The following ZNF559 variants were observed in gnomAD, a reference collection of about 807,000 sequenced individuals.
ZNF559 encodes putative protein product of Nbla00121.
In ZNF559, 17 loss-of-function variants were observed where a neutral mutation model predicts 14.2. That is an observed-to-expected ratio of 1.20 (90% confidence interval 0.82 to 1.80). ZNF559 has a LOEUF of 1.80. Ranked by LOEUF, ZNF559 falls within the 40% of genes most tolerant of loss-of-function variation. The pLI, the probability that ZNF559 is intolerant of heterozygous loss-of-function variation, is 0.00. For missense variants in ZNF559, 740 were observed against 629.7 expected, an observed-to-expected ratio of 1.18 and a Z score of -1.88; for synonymous variants, 244 against 212.4, an observed-to-expected ratio of 1.15 and a Z score of -1.29.
chr19:9,337,515 A>G (rs2067305669), intron 2 of ZNF559, among the ~76,000 whole-genome samples: 1 of 152,164 alleles, frequency 6.6e-6, no homozygotes, highest in South Asian at 2.1e-4. Flanking sequence ...GTCACGTTGG[A>G]GAATAAGAAG....
Position 9,341,708 on chromosome 19 carries a change from T to A in ZNF559, c.257T>A (p.Phe86Tyr), listed in dbSNP as rs375093438. 25 of 1,597,504 alleles carry A rather than the reference T, an allele frequency of 1.6e-5. No individual in the cohort carries two copies. Among genetic ancestry groups the A allele is most frequent in the Non-Finnish European group, 2.0e-5 (24 of 1,174,828 alleles). Residue 86 changes from phenylalanine (F) to tyrosine (Y), a missense_variant, in exon 7 of 7, where the codon TTT becomes TAT. Phe to Tyr is a conservative substitution (Grantham distance 22, BLOSUM62 3). Coordinates refer to ENST00000603380, the MANE Select transcript of ZNF559 (RefSeq NM_032497.3). The stretch of plus-strand genomic sequence containing the variant: ...TTTCACCAACAGGAGAGAAACCATT[T>A]TGGAGAGGAACTGTTTGACTTTAAC... ...SSVVEMERNH[F>Y]GEELFDFNQC...
At chr19:9,329,883 C>T (rs545429706) in intron 2 of ZNF559, among the ~76,000 whole-genome samples, 10 of 152,268 alleles carry the variant, frequency 6.6e-5, no homozygotes, top group African/African-American at 2.2e-4. Context: ...AGGCTGGTCT[C>T]GAACTCCTAA....
intron 2 of ZNF559, among the ~76,000 whole-genome samples, chr19:9,326,328 A>T (rs868555716): frequency 6.6e-6 from 1 of 152,026 alleles, no homozygotes; most frequent in African/African-American, 2.4e-5. Context: ...GCTGGTCTCG[A>T]ACTCCTGACC....
chr19:9,341,871 T>G lies in ZNF559; in HGVS notation c.420T>G (p.Thr140=), dbSNP rs754678629. The part of the protein sequence containing the change: ...KPSIFTLHKK[T]DIGEELPNCN... ...CTATCTTTACTTTACACAAGAAAACTGATATCGGAGAGGAACTTCCTAACT... is the reference window on the plus strand; with the variant it reads ...CTATCTTTACTTTACACAAGAAAACGGATATCGGAGAGGAACTTCCTAACT... The change falls in exon 7 of 7, where the codon ACT becomes ACG. Residue 140 remains threonine (T), a synonymous_variant. Coordinates refer to ENST00000603380, the MANE Select transcript of ZNF559 (RefSeq NM_032497.3). 2 of 1,610,446 alleles carry G rather than the reference T, an allele frequency of 1.2e-6. No homozygotes were observed. Among genetic ancestry groups the G allele is most frequent in the Non-Finnish European group, 1.7e-6 (2 of 1,179,088 alleles).
intron 2 of ZNF559, among the ~76,000 whole-genome samples, chr19:9,330,584 T>C (rs995509471): frequency 6.6e-6 from 1 of 152,348 alleles, no homozygotes; most frequent in East Asian, 1.9e-4. Flanking sequence ...TGTCTGCTCT[T>C]GGACCCCTCT....
chr19:9,339,720 C>T (rs925010346), intron 5 of ZNF559, among the ~76,000 whole-genome samples: 1 of 151,124 alleles, frequency 6.6e-6, no homozygotes, highest in African/African-American at 2.4e-5. Context: ...ACAGCAAAAT[C>T]TTAGCTCTTA....
chr19:9,329,075 G>A (rs2066796598), intron 2 of ZNF559, among the ~76,000 whole-genome samples: 2 of 98,072 alleles, frequency 2.0e-5, no homozygotes, highest in Non-Finnish European at 4.3e-5. Context: ...GTGTTTTTTT[G>A]TTTTTTGGGC....
chr19:9,341,676 C>T lies in ZNF559; in HGVS notation c.244-19C>T. On this transcript the variant is annotated intron_variant, in intron 6 of 6. Transcript: ENST00000603380. ...AATTTGGAAAACTTCTATGAACCAT[C>T]ATTAATTTTCACCAACAGGAGAGAA... The T allele has an allele frequency of 6.3e-7, 1 of 1,599,252 alleles. No individual in the cohort carries two copies. The highest frequency in any genetic ancestry group is 1.1e-5 in the South Asian group (1 of 89,364).
In ZNF559 at chr19:9,338,476, T is replaced by C. The variant is rs762135771; in HGVS notation, c.-56-18T>C. 26 of 1,602,730 alleles carry C rather than the reference T, an allele frequency of 1.6e-5. No homozygotes were observed. Among genetic ancestry groups the C allele is most frequent in the Non-Finnish European group, 2.2e-5 (26 of 1,170,992 alleles). On this transcript the variant is annotated intron_variant, in intron 3 of 6. Coordinates refer to ENST00000603380, the MANE Select transcript of ZNF559 (RefSeq NM_032497.3). ...TATCAGCAGCCTGGATTCTCAGATTTTATTTCTTCTTCTTAAGATCATCTT... is the reference window on the plus strand; with the variant it reads ...TATCAGCAGCCTGGATTCTCAGATTCTATTTCTTCTTCTTAAGATCATCTT...
intron 5 of ZNF559, among the ~76,000 whole-genome samples, chr19:9,339,789 G>A (rs1257631572): frequency 7.1e-6 from 1 of 140,334 alleles, no homozygotes; most frequent in African/African-American, 2.7e-5. Flanking sequence ...TTTTTTTTGA[G>A]ACAGAGTCTT....
chr19:9,328,104 C>A (rs1310157662), intron 2 of ZNF559, among the ~76,000 whole-genome samples: 4 of 152,050 alleles, frequency 2.6e-5, no homozygotes, highest in African/African-American at 9.6e-5. Context: ...TTTTGTTTTT[C>A]CTTATGTTTG....
intron 2 of ZNF559, 150 bp downstream of exon 2, chr19:9,324,930 G>A (rs2066494662): frequency 2.9e-6 from 2 of 684,148 alleles, no homozygotes; most frequent in East Asian, 5.5e-5. Flanking sequence ...GCACATAACT[G>A]TAAAATTTAC....
intron 2 of ZNF559, among the ~76,000 whole-genome samples, chr19:9,327,656 T>C (rs1273266559): frequency 6.6e-6 from 1 of 152,190 alleles, no homozygotes; most frequent in South Asian, 2.1e-4. Flanking sequence ...CTCCATTCTT[T>C]AGCTGACAGT....
chr19:9,324,580 G>A (rs959807227), intron 1 of ZNF559, 115 bp from the exon 2 acceptor site: 1 of 1,162,740 alleles, frequency 8.6e-7, no homozygotes, highest in African/African-American at 1.6e-5. Flanking sequence ...GATTACTTGA[G>A]GCCAGGAGTT....
At chr19:9,339,110 A>C (rs2067400069) in intron 4 of ZNF559, 83 bp from the exon 5 acceptor site, 2 of 1,584,762 alleles carry the variant, frequency 1.3e-6, no homozygotes, top group African/African-American at 2.7e-5. Context: ...TTGTCAAGGC[A>C]TGCCAAGACA....
rs1385702648 is a variant in ZNF559, at chr19:9,338,569, C to A, written c.20C>A (p.Thr7Lys). The A allele has an allele frequency of 6.2e-7, 1 of 1,613,562 alleles. No homozygotes were observed. Among genetic ancestry groups the A allele is most frequent in the South Asian group, 1.1e-5 (1 of 91,078 alleles). ...GAAAGGATGGTGGCTGGGTGGTTGA[C>A]AAATTACTCTCAGGTAAGTAGGAAA... is the stretch of plus-strand genomic sequence containing the variant. The part of the protein sequence containing the change: MVAGWL[T>K]NYSQDSVTFE... The change falls in exon 4 of 7, where the codon ACA becomes AAA. Residue 7 changes from threonine (T) to lysine (K), a missense_variant. By Grantham distance (78) the Thr-to-Lys change is moderately conservative. Coordinates refer to ENST00000603380, the MANE Select transcript of ZNF559 (RefSeq NM_032497.3).
chr19:9,342,024 A>G lies in ZNF559; in HGVS notation c.573A>G (p.Glu191=). The G allele has an allele frequency of 6.2e-7, 1 of 1,610,596 alleles. No homozygotes were observed. The highest frequency in any genetic ancestry group is 8.5e-7 in the Non-Finnish European group (1 of 1,178,910). ...QEKPYKCSDC[E]KGLPSSSHLR... ...AACCATATAAATGCAGTGACTGTGAAAAAGGCTTACCTTCCTCCTCACACC... is the reference window on the plus strand; with the variant it reads ...AACCATATAAATGCAGTGACTGTGAGAAAGGCTTACCTTCCTCCTCACACC... The change falls in exon 7 of 7, where the codon GAA becomes GAG. Residue 191 remains glutamate (E), a synonymous_variant. Transcript: ENST00000603380.
rs906611263 is a variant in ZNF559, at chr19:9,343,496, C to T, written c.*428C>T. ...CTGTAAGGAATGTGTTGAAACCTTT[C>T]ACTCTGCCTTATACCTTAATATTCA... On this transcript the variant is annotated 3_prime_UTR_variant, in exon 7 of 7. Coordinates refer to ENST00000603380, the MANE Select transcript of ZNF559 (RefSeq NM_032497.3). The T allele has an allele frequency of 1.6e-4, 166 of 1,022,958 alleles. No homozygotes were observed. The highest frequency in any genetic ancestry group is 1.9e-4 in the Non-Finnish European group (160 of 851,460). 63.4% of individuals were successfully genotyped at this position (1,022,958 alleles called of 1,614,324 possible).
At chr19:9,338,263 G>A (rs1158692696) in intron 3 of ZNF559, among the ~76,000 whole-genome samples, 1 of 152,142 alleles carries the variant, frequency 6.6e-6, no homozygotes, top group Non-Finnish European at 1.5e-5. Context: ...TAAGGAAAAT[G>A]TTAACTTCTC....
Sources: gnomAD v4.1 joint callset for allele counts (sites outside exome capture counted in the v4.1 genomes callset) on GRCh38, gnomAD v4.1.1 for gene constraint, MANE v1.5 for transcripts, NCBI Gene and HGNC (gene_info 2026-07-23, HGNC 2026-07-21) for gene names.